COL6A1: variants seen among roughly 807,000 people sequenced by gnomAD.
COL6A1 encodes the protein collagen type VI alpha 1 chain.
Under a neutral mutation model 145.6 loss-of-function variants are expected in COL6A1, and 80 were observed. The ratio of observed to expected loss-of-function variants is 0.55; its 90% CI spans 0.46 to 0.66. The LOEUF (loss-of-function observed/expected upper bound fraction) is 0.66. Among genes scored for constraint, COL6A1 ranks in the 30% least tolerant of loss-of-function variants. The pLI is 0.00. For synonymous variants in COL6A1, 638 were observed against 622.8 expected (o/e 1.02, Z -0.36); for missense variants, 1,364 against 1,473.8 (o/e 0.93, Z 1.22).
intron 20 of COL6A1, among the ~76,000 whole-genome samples, chr21:45,996,927 T>C (rs2077808221): frequency 6.6e-6 from 1 of 152,058 alleles, no homozygotes; most frequent in African/African-American, 2.4e-5. Flanking sequence ...GGTCCTGCGG[T>C]TGGGGGTGGG....
In COL6A1 at chr21:45,992,086, C is replaced by T. The variant is rs1386935911; in HGVS notation, c.1182+14C>T. 1 of 1,613,294 alleles carries T rather than the reference C, an allele frequency of 6.2e-7. No individual in the cohort carries two copies. Among genetic ancestry groups the T allele is most frequent in the Non-Finnish European group, 8.5e-7 (1 of 1,179,862 alleles). On this transcript the variant is annotated intron_variant, in intron 16 of 34. Transcript: ENST00000361866. ...TCTGGAGACGAGGTGAGGAGCTTCA[C>T]AGCCCCCACACATGCCAGGTATGGG...
chr21:45,996,526 G>C (rs78234426), intron 20 of COL6A1, among the ~76,000 whole-genome samples: 1 of 152,180 alleles, frequency 6.6e-6, no homozygotes, highest in Non-Finnish European at 1.5e-5. Flanking sequence ...TTGAACCACC[G>C]GACAGGCCTC....
rs780301785 is a variant in COL6A1 at position 46,001,399 on chromosome 21, C to A, written c.1956+13C>A. 3 of 1,609,186 alleles carry A rather than the reference C, an allele frequency of 1.9e-6. No homozygotes were observed. In the South Asian group the frequency reaches 3.3e-5, roughly 18 times the overall value. On this transcript the variant is annotated intron_variant, in intron 30 of 34. Coordinates refer to ENST00000361866, the MANE Select transcript of COL6A1 (RefSeq NM_001848.3). ...CGAGCTGGTCAAGGTGAGGCCTCGC[C>A]CCGCCCGGCTTTCTCAAGCCCAGGT...
Position 46,004,006 on chromosome 21 carries a change from T to G in COL6A1, c.3080T>G (p.Leu1027Arg). Reference protein sequence around the residue: ...FHQTVSRKVALG With the variant: ...FHQTVSRKVARG ...CAGACAGTCTCCAGGAAGGTGGCGC[T>G]GGGCTAGCCCACCCTGCACGCCGGC... The change falls in exon 35 of 35, where the codon CTG becomes CGG. Residue 1027 changes from leucine (L) to arginine (R), a missense_variant. Transcript: ENST00000361866. The G allele has an allele frequency of 6.2e-7, 1 of 1,613,112 alleles. No individual in the cohort carries two copies. Among genetic ancestry groups the G allele is most frequent in the South Asian group, 1.1e-5 (1 of 91,086 alleles).
In COL6A1 at chr21:46,002,724, C is replaced by T. The variant is rs748812709; in HGVS notation, c.2434+14C>T. Reference sequence around the variant, plus strand: ...AGATCTGCATAGGTGCGCATGGGGCCACCCGGGCAGTCCCAGATCTGCGTA... The same window carrying T: ...AGATCTGCATAGGTGCGCATGGGGCTACCCGGGCAGTCCCAGATCTGCGTA... On this transcript the variant is annotated intron_variant, in intron 33 of 34. Transcript: ENST00000361866. The T allele has an allele frequency of 1.1e-5, 17 of 1,561,058 alleles. No homozygotes were observed. In the African/African-American group the frequency reaches 1.4e-4, roughly 13 times the overall value.
rs201523845 is a variant in COL6A1 at position 45,990,324 on chromosome 21, C to T, written c.957+40C>T. The T allele has an allele frequency of 4.7e-5, 75 of 1,612,544 alleles. No homozygotes were observed. In the East Asian group the frequency reaches 4.7e-4, roughly 10 times the overall value. ...CTGGGAGGGGGGAGTTCTGCCCCCACGGCAGCATGTCTGACCTGCATCTGA... is the reference window on the plus strand; with the variant it reads ...CTGGGAGGGGGGAGTTCTGCCCCCATGGCAGCATGTCTGACCTGCATCTGA... On this transcript the variant is annotated intron_variant, in intron 12 of 34. Transcript: ENST00000361866.
At position 45,997,403 on chromosome 21, in the gene COL6A1, A is replaced by G. The variant is rs539649822; in HGVS notation, c.1399-18A>G. 1 of 1,612,454 alleles carries G rather than the reference A, an allele frequency of 6.2e-7. No individual in the cohort carries two copies. The highest frequency in any genetic ancestry group is 1.3e-5 in the African/African-American group (1 of 74,960). ...GGTGAGGCCTGTGGTCCAACGTGCC[A>G]TATCCATCTCTCTACAGGGCGAGGC... On this transcript the variant is annotated intron_variant, in intron 20 of 34. Coordinates refer to ENST00000361866, the MANE Select transcript of COL6A1 (RefSeq NM_001848.3).
chr21:45,990,869 C>T, intron 14 of COL6A1, 43 bp downstream of exon 14: 1 of 1,611,032 alleles, frequency 6.2e-7, no homozygotes, highest in South Asian at 1.1e-5. Context: ...CTAGCGCTGT[C>T]AGCAGCACCT....
rs775248249 is a variant in COL6A1 at position 45,989,664 on chromosome 21, C to A, written c.903+12C>A. 8.7e-6 allele frequency: 14 copies of A among 1,613,082 alleles called. No individual in the cohort carries two copies. Among genetic ancestry groups the A allele is most frequent in the African/African-American group, 1.3e-5 (1 of 74,932 alleles). On this transcript the variant is annotated intron_variant, in intron 10 of 34. Transcript: ENST00000361866. ...ACCAGGGAATGAAGGTACGTGCCCCCCCTTTCCTGGCCCGAGCCCGGTGGT... is the reference window on the plus strand; with the variant it reads ...ACCAGGGAATGAAGGTACGTGCCCCACCTTTCCTGGCCCGAGCCCGGTGGT...
At position 46,002,026 on chromosome 21, in the gene COL6A1, G is replaced by A. The variant is rs764099825; in HGVS notation, c.2022G>A (p.Val674=). 2 of 1,612,664 alleles carry A rather than the reference G, an allele frequency of 1.2e-6. No homozygotes were observed. Among genetic ancestry groups the A allele is most frequent in the South Asian group, 1.1e-5 (1 of 91,006 alleles). The change falls in exon 31 of 35, where the codon GTG becomes GTA. Residue 674 remains valine, a synonymous_variant. Coordinates refer to ENST00000361866, the MANE Select transcript of COL6A1 (RefSeq NM_001848.3). ...GCCACAGCCAGATGCAGGAGCACGT[G>A]AGCCTGCGCAGCCCCAGCATCCGGA... The part of the protein sequence containing the change: ...QYSHSQMQEH[V]SLRSPSIRNV...
intron 18 of COL6A1, 135 bp downstream of exon 18, chr21:45,992,533 C>A: frequency 8.5e-7 from 1 of 1,180,162 alleles, no homozygotes. Context: ...TCTTCACCCA[C>A]ACGTCCAGGA....
In COL6A1 at chr21:45,989,784, T is replaced by C; in HGVS notation, c.930+6T>C. The stretch of plus-strand genomic sequence containing the variant: ...AAGGGAGCCGTGGGGAGAAGGTGAG[T>C]GAGGCTCGACCTCGGAGCTGGTCTC... On this transcript the variant is annotated splice_donor_region_variant and intron_variant, in intron 11 of 34. Transcript: ENST00000361866. The C allele has an allele frequency of 6.2e-7, 1 of 1,612,598 alleles. No homozygotes were observed. Among genetic ancestry groups the C allele is most frequent in the Non-Finnish European group, 8.5e-7 (1 of 1,179,912 alleles).
At chr21:45,982,857 A>G (rs555133594) in intron 2 of COL6A1, 94 bp downstream of exon 2, 2 of 1,544,672 alleles carry the variant, frequency 1.3e-6, no homozygotes, top group African/African-American at 1.4e-5. Flanking sequence ...GACGGCCTCA[A>G]CCTCCTAAGG....
chr21:45,999,242 G>C (rs1281735920), intron 26 of COL6A1, 24 bp downstream of exon 26: 1 of 1,573,304 alleles, frequency 6.4e-7, no homozygotes, highest in South Asian at 1.2e-5. Flanking sequence ...GCTGGGTGAG[G>C]CCACGGTGGG....
chr21:45,996,539 C>T (rs528949061), intron 20 of COL6A1, among the ~76,000 whole-genome samples: 2 of 152,138 alleles, frequency 1.3e-5, no homozygotes, highest in Non-Finnish European at 2.9e-5. Flanking sequence ...CAGGCCTCAT[C>T]GGGAAGCATC....
rs764606641 is a variant in COL6A1 at position 45,989,592 on chromosome 21, T to TG, written c.859-16_859-15insG. On this transcript the variant is annotated splice_polypyrimidine_tract_variant and intron_variant, in intron 9 of 34. Coordinates refer to ENST00000361866, the MANE Select transcript of COL6A1 (RefSeq NM_001848.3). ...GCTCCTCCGGGGGTGTCTCACCATCTCCTCCTGTGTTCCAGGGAAGACCCG... is the reference window on the plus strand; with the variant it reads ...GCTCCTCCGGGGGTGTCTCACCATCTGCCTCCTGTGTTCCAGGGAAGACCCG... 2 of 1,612,406 alleles carry TG rather than the reference T, an allele frequency of 1.2e-6. No individual in the cohort carries two copies. The highest frequency in any genetic ancestry group is 2.7e-5 in the African/African-American group (2 of 74,876).
chr21:45,997,149 A>G (rs574545284), intron 20 of COL6A1, among the ~76,000 whole-genome samples: 7 of 125,168 alleles, frequency 5.6e-5, no homozygotes, highest in Admixed American at 7.9e-5. Context: ...GGCGCCCACC[A>G]AAGTCATCTG....
rs1453965254 is a variant in COL6A1 at position 46,003,464 on chromosome 21, C to T, written c.2538C>T (p.Asp846=). Residue 846 remains aspartate (D), a synonymous_variant, in exon 35 of 35, where the codon GAC becomes GAT. Coordinates refer to ENST00000361866, the MANE Select transcript of COL6A1 (RefSeq NM_001848.3). ...GSASVGSHNF[D]TTKRFAKRLA... Reference sequence around the variant, plus strand: ...CCAGCGTGGGCAGCCACAACTTTGACACCACCAAGCGCTTCGCCAAGCGCC... The same window carrying T: ...CCAGCGTGGGCAGCCACAACTTTGATACCACCAAGCGCTTCGCCAAGCGCC... 2 of 1,607,906 alleles carry T rather than the reference C, an allele frequency of 1.2e-6. No homozygotes were observed. Among genetic ancestry groups the T allele is most frequent in the African/African-American group, 2.7e-5 (2 of 75,056 alleles).
rs754591267 is a variant in COL6A1, at chr21:45,984,355, G to T, written c.314G>T (p.Arg105Leu). The T allele has an allele frequency of 1.9e-6, 3 of 1,612,536 alleles. No individual in the cohort carries two copies. The Admixed American group carries it at 5.0e-5, about 27-fold the overall frequency. Reference protein sequence around the residue: ...DEVEIIQGLTRMPGGRDALKS... With the variant: ...DEVEIIQGLTLMPGGRDALKS... ...GTGGAGATCATCCAAGGCCTCACGC[G>T]CATGCCTGGCGGCCGCGACGCACTC... Residue 105 changes from arginine (R) to leucine (L), a missense_variant, in exon 3 of 35, where the codon CGC becomes CTC. Coordinates refer to ENST00000361866, the MANE Select transcript of COL6A1 (RefSeq NM_001848.3).
Sources: gnomAD v4.1 joint callset for allele counts (sites outside exome capture counted in the v4.1 genomes callset) on GRCh38, gnomAD v4.1.1 for gene constraint, MANE v1.5 for transcripts, NCBI Gene and HGNC (gene_info 2026-07-23, HGNC 2026-07-21) for gene names.